Variants in SMO observed in about 807,000 individuals in gnomAD.
The protein encoded by SMO is smoothened, frizzled class receptor.
In SMO, 40 loss-of-function variants were observed where a neutral mutation model predicts 81.6. The ratio of observed to expected loss-of-function variants is 0.49; its 90% CI spans 0.38 to 0.64. The LOEUF is 0.64. Among genes scored for constraint, SMO ranks in the 30% least tolerant of loss-of-function variants. The probability of loss-of-function intolerance (pLI) is 0.00; values close to 1 mark genes in which losing one functional copy is unlikely to be tolerated. For synonymous variants in SMO, 434 were observed against 432.1 expected (o/e 1.00, Z -0.05); for missense variants, 916 against 1,061.1 (o/e 0.86, Z 1.90).
At chr7:129,192,730 C>T (rs971574009) in intron 1 of SMO, among the ~76,000 whole-genome samples, 3 of 152,158 alleles carry the variant, frequency 2.0e-5, no homozygotes, top group Admixed American at 1.3e-4. Flanking sequence ...AAGGTGGTGC[C>T]ATTCCCTTTC....
Position 129,189,562 on chromosome 7 carries a change from G to T in SMO, c.331+80G>T. Reference sequence around the variant, plus strand: ...GCACCCTTGGAAAGAACAGGCTCAGGCCTGAGTTTTGGAGAGGGCGGGGAC... The same window carrying T: ...GCACCCTTGGAAAGAACAGGCTCAGTCCTGAGTTTTGGAGAGGGCGGGGAC... On this transcript the variant is annotated intron_variant, in intron 1 of 11. Transcript: ENST00000249373. The surrounding 1 kb of genome is among the most constrained non-coding windows in gnomAD (Gnocchi z 4.7). 6.8e-7 allele frequency: 1 copy of T among 1,473,810 alleles called. No homozygotes were observed. Among genetic ancestry groups the T allele is most frequent in the Non-Finnish European group, 9.1e-7 (1 of 1,099,700 alleles). The allele number at this position is 1,473,810 out of a possible 1,614,324, so 91.3% of individuals were successfully genotyped here.
At chr7:129,205,554 G>A (rs2150648832) in intron 3 of SMO, 56 bp from the exon 4 acceptor site, 3 of 1,555,606 alleles carry the variant, frequency 1.9e-6, no homozygotes, top group Non-Finnish European at 1.8e-6. Context: ...AGTTAAGGGT[G>A]TCTGTGTCAG....
intron 1 of SMO, among the ~76,000 whole-genome samples, chr7:129,202,356 A>G (rs896696666): frequency 4.6e-5 from 7 of 151,972 alleles, no homozygotes; most frequent in Admixed American, 3.9e-4. Context: ...CCTCTCTACT[A>G]TGTTGCCTTC....
Position 129,212,170 on chromosome 7 carries a change from G to T in SMO, c.2083G>T (p.Ala695Ser). ...GCCGCCCCCTGAGCTTCACCCCCCT[G>T]CCCCTGCCCCCAGTACCATTCCTCG... ...LAPPPELHPP[A>S]PAPSTIPRLP... Residue 695 changes from alanine (A) to serine (S), a missense_variant, in exon 12 of 12, where the codon GCC becomes TCC. Coordinates refer to ENST00000249373, the MANE Select transcript of SMO (RefSeq NM_005631.5). This position sits in a 1 kb window ranked among gnomAD's most constrained non-coding sequence, Gnocchi z 5.0. 6.4e-7 allele frequency: 1 copy of T among 1,555,200 alleles called. No individual in the cohort carries two copies. The highest frequency in any genetic ancestry group is 8.7e-7 in the Non-Finnish European group (1 of 1,149,156).
chr7:129,196,079 T>C (rs377229895), intron 1 of SMO, among the ~76,000 whole-genome samples: 82 of 134,594 alleles, frequency 6.1e-4, no homozygotes, highest in East Asian at 5.4e-3. Flanking sequence ...CCAGCCTGGG[T>C]GACAGAGTGA....
In SMO at chr7:129,210,668, C is replaced by T. The variant is rs1793854833; in HGVS notation, c.1652+120C>T. 1.2e-6 allele frequency: 1 copy of T among 850,836 alleles called. No individual in the cohort carries two copies. The highest frequency in any genetic ancestry group is 1.7e-5 in the African/African-American group (1 of 59,318). 52.7% of individuals were successfully genotyped at this position (850,836 alleles called of 1,614,324 possible). Reference sequence around the variant, plus strand: ...GCCTTGGTCAGTGGTTCACCGCTGCCCCCTGGTGGCACCTTCTGTCCTTGG... The same window carrying T: ...GCCTTGGTCAGTGGTTCACCGCTGCTCCCTGGTGGCACCTTCTGTCCTTGG... On this transcript the variant is annotated intron_variant, in intron 9 of 11. Transcript: ENST00000249373. This position sits in a 1 kb window ranked among gnomAD's most constrained non-coding sequence, Gnocchi z 4.7.
At chr7:129,195,994 G>A (rs185286945) in intron 1 of SMO, among the ~76,000 whole-genome samples, 4,438 of 151,664 alleles carry the variant, frequency 0.029, 87 homozygotes, top group Non-Finnish European at 0.047. Flanking sequence ...CCAGCTACTC[G>A]GGAGGCTGAG....
chr7:129,196,045 G>A (rs1793572488), intron 1 of SMO, among the ~76,000 whole-genome samples: 1 of 149,124 alleles, frequency 6.7e-6, no homozygotes, highest in Non-Finnish European at 1.5e-5. Context: ...AGCTTGCAGT[G>A]AGCCGAGATC....
chr7:129,191,949 G>A (rs1258666420), intron 1 of SMO, among the ~76,000 whole-genome samples: 1 of 152,114 alleles, frequency 6.6e-6, no homozygotes, highest in Admixed American at 6.6e-5. Context: ...GGCTGGACAT[G>A]GTGCTCACAC....
At chr7:129,198,880 A>G (rs989618493) in intron 1 of SMO, among the ~76,000 whole-genome samples, 6 of 152,268 alleles carry the variant, frequency 3.9e-5, no homozygotes, top group Middle Eastern at 3.2e-3. Flanking sequence ...GTTAAGCAAC[A>G]TGTGACTATA....
rs1223380755 is a variant in SMO at position 129,212,695 on chromosome 7, T to TGCCAGCTGCAGCCAAC, written c.*257_*258insAACGCCAGCTGCAGCC. On this transcript the variant is annotated 3_prime_UTR_variant, in exon 12 of 12. Coordinates refer to ENST00000249373, the MANE Select transcript of SMO (RefSeq NM_005631.5). The surrounding 1 kb of genome is among the most constrained non-coding windows in gnomAD (Gnocchi z 5.0). ...GAGCTCAGGGTCCTTGTTTCTGCCC[T>TGCCAGCTGCAGCCAAC]GCCAGCTGCAGCCTGGTTGGCAGCA... 1 of 550,024 alleles carries TGCCAGCTGCAGCCAAC rather than the reference T, an allele frequency of 1.8e-6. No homozygotes were observed. The highest frequency in any genetic ancestry group is 1.9e-5 in the African/African-American group (1 of 53,012). 34.1% of individuals were successfully genotyped at this position (550,024 alleles called of 1,614,324 possible).
At chr7:129,209,234 C>T in intron 7 of SMO, 55 bp from the exon 8 acceptor site, 1 of 1,076,564 alleles carries the variant, frequency 9.3e-7, no homozygotes. Flanking sequence ...CTCCTCCCCA[C>T]TGCTGCTGCG....
In SMO at chr7:129,211,100, C is replaced by A. The variant is rs371203309; in HGVS notation, c.1788C>A (p.His596Gln). 1.9e-6 allele frequency: 3 copies of A among 1,608,210 alleles called. No individual in the cohort carries two copies. The highest frequency in any genetic ancestry group is 1.3e-5 in the African/African-American group (1 of 74,928). Residue 596 changes from histidine (H) to glutamine (Q), a missense_variant, in exon 10 of 12, where the codon CAC becomes CAA. Physicochemically the swap from His to Gln is conservative, Grantham distance 24. This residue lies in a region of SMO where 324 missense variants were observed against 312.9 expected (regional missense o/e 1.04). Coordinates refer to ENST00000249373, the MANE Select transcript of SMO (RefSeq NM_005631.5). This position sits in a 1 kb window ranked among gnomAD's most constrained non-coding sequence, Gnocchi z 4.6. Reference protein sequence around the residue: ...ELSFSMHTVSHDGPVAGLAFD... With the variant: ...ELSFSMHTVSQDGPVAGLAFD... ...CCTTCAGCATGCACACTGTGTCCCA[C>A]GACGGGCCCGTGGGTGAGCCTCACC...
At chr7:129,209,855 G>T in intron 8 of SMO, 1 of 180,574 alleles carries the variant, frequency 5.5e-6, no homozygotes, top group South Asian at 1.3e-4. Flanking sequence ...GTAAGACATT[G>T]CTACTGCTGA....
chr7:129,212,314 C>A lies in SMO; in HGVS notation c.2227C>A (p.Pro743Thr), dbSNP rs112783338. Residue 743 changes from proline to threonine, a missense_variant, in exon 12 of 12, where the codon CCC becomes ACC. Transcript: ENST00000249373. The surrounding 1 kb of genome is among the most constrained non-coding windows in gnomAD (Gnocchi z 5.0). ...VSNPFCPEPS[P>T]PQDPFLPSAP... ...CAACCCATTCTGCCCAGAGCCCAGT[C>A]CCCCTCAGGATCCATTTCTGCCCAG... 204 of 1,614,188 alleles carry A rather than the reference C, an allele frequency of 1.3e-4. 1 individual carries two copies. The African/African-American group carries it at 1.8e-3, about 14-fold the overall frequency.
chr7:129,204,225 C>T (rs2718110), intron 2 of SMO, among the ~76,000 whole-genome samples: 117,573 of 151,876 alleles, frequency 0.77, 46,171 homozygotes, highest in Middle Eastern at 0.88. Context: ...CCCAGCTACT[C>T]GGGAGGCTGA....
chr7:129,209,232 C>T (rs1414961660), intron 7 of SMO, 57 bp from the exon 8 acceptor site: 2 of 1,033,644 alleles, frequency 1.9e-6, no homozygotes, highest in Admixed American at 1.7e-5. Context: ...CTCTCCTCCC[C>T]ACTGCTGCTG....
At chr7:129,204,400 G>C (rs1380555676) in intron 2 of SMO, among the ~76,000 whole-genome samples, 1 of 152,028 alleles carries the variant, frequency 6.6e-6, no homozygotes, top group Non-Finnish European at 1.5e-5. Context: ...CCACCACTTT[G>C]GAAGGCTGAG....
At chr7:129,201,594 C>T (rs751846830) in intron 1 of SMO, among the ~76,000 whole-genome samples, 1 of 152,164 alleles carries the variant, frequency 6.6e-6, no homozygotes, top group African/African-American at 2.4e-5. Context: ...ATCCTGCCCT[C>T]ACCCCAATCC....
Sources: allele counts gnomAD v4.1 joint callset (sites outside exome capture counted in the v4.1 genomes callset), GRCh38; gene constraint gnomAD v4.1.1; regional missense constraint gnomAD v4.1.1; non-coding constraint Gnocchi (gnomAD v3.1); transcripts MANE v1.5; gene names NCBI Gene and HGNC (gene_info 2026-07-23, HGNC 2026-07-21).